MELK: variants seen among roughly 807,000 people sequenced by gnomAD.
MELK encodes pEg3 kinase.
In MELK, 81 loss-of-function variants were observed where a neutral mutation model predicts 85.0. That is an observed-to-expected ratio of 0.95 (90% CI 0.80 to 1.15). MELK has a LOEUF of 1.15. Among genes scored for constraint, MELK ranks in the 50% most tolerant of loss-of-function variants. The pLI, the probability that MELK is intolerant of heterozygous loss-of-function variation, is 0.00. For missense variants in MELK, 754 were observed against 777.5 expected (o/e 0.97, Z 0.36); for synonymous variants, 252 against 265.0 (o/e 0.95, Z 0.48).
At chr9:36,656,963 T>G (rs1831310813) in intron 12 of MELK, among the ~76,000 whole-genome samples, 1 of 152,206 alleles carries the variant, frequency 6.6e-6, no homozygotes, top group Non-Finnish European at 1.5e-5. Context: ...CTTATTGTTG[T>G]GTTAGAGCCA....
intron 8 of MELK, among the ~76,000 whole-genome samples, chr9:36,621,195 C>G (rs1326010585): frequency 7.2e-6 from 1 of 139,248 alleles, no homozygotes; most frequent in Non-Finnish European, 1.5e-5. Flanking sequence ...TTGCTTGAAC[C>G]TGGGAGGCGG....
At chr9:36,604,971 G>A (rs1564149509) in intron 7 of MELK, among the ~76,000 whole-genome samples, 2 of 148,476 alleles carry the variant, frequency 1.3e-5, no homozygotes, top group East Asian at 2.0e-4. Flanking sequence ...TTTTTGAGAC[G>A]AAGTCTTGCT....
intron 11 of MELK, among the ~76,000 whole-genome samples, chr9:36,644,635 T>C (rs1010433169): frequency 1.3e-5 from 2 of 152,184 alleles, no homozygotes; most frequent in African/African-American, 4.8e-5. Context: ...ATTTGAAGTT[T>C]CCATTTAAGC....
intron 15 of MELK, among the ~76,000 whole-genome samples, chr9:36,669,976 T>A (rs1406004625): frequency 1.3e-5 from 2 of 152,206 alleles, no homozygotes; most frequent in Non-Finnish European, 2.9e-5. Flanking sequence ...AATAAAATGA[T>A]TTATCAAAGC....
intron 8 of MELK, among the ~76,000 whole-genome samples, chr9:36,626,670 C>G (rs1299997121): frequency 1.3e-5 from 2 of 151,918 alleles, no homozygotes; most frequent in Non-Finnish European, 2.9e-5. Context: ...AAATAGCAGC[C>G]CAAGAGGCCG....
At position 36,584,068 on chromosome 9, in the gene MELK, C is replaced by G. The variant is rs185609462; in HGVS notation, c.144+356C>G. Among the ~76,000 whole-genome samples the G allele has an allele frequency of 1.7e-3, 255 of 151,998 alleles. 1 individual carries two copies. The highest frequency in any genetic ancestry group is 5.9e-3 in the African/African-American group (246 of 41,498). ...TCGCCCAGGCTGGAGTACAGTGGCG[C>G]GATCTCGGCTCACTGCAAGCTCCGC... On this transcript the variant is annotated intron_variant, in intron 3 of 17. Transcript: ENST00000298048.
At chr9:36,615,410 C>T (rs1335116607) in intron 8 of MELK, among the ~76,000 whole-genome samples, 7 of 141,448 alleles carry the variant, frequency 4.9e-5, no homozygotes, top group Non-Finnish European at 1.1e-4. Context: ...CCCCCACCTC[C>T]CTCCCGGACG....
In MELK at chr9:36,630,365, C is replaced by T. The variant is rs1340340647; in HGVS notation, c.733C>T (p.Gln245Ter). Reference protein sequence around the residue: ...SSILLLQQMLQVDPKKRISMK... With the variant: ...SSILLLQQML ...CATTCTGCTTCTTCAACAAATGCTG[C>T]AGGTAAACTTTATTTTTAAATAATA... is the stretch of plus-strand genomic sequence containing the variant. Residue 245 changes from glutamine (Q) to a stop codon, truncating the protein, a stop_gained and splice_region_variant, in exon 9 of 18, where the codon CAG (glutamine) becomes TAG (stop). Coordinates refer to ENST00000298048, the MANE Select transcript of MELK (RefSeq NM_014791.4). LOFTEE classifies it high-confidence loss of function. 1.9e-6 allele frequency: 3 copies of T among 1,601,780 alleles called. No individual in the cohort carries two copies. The highest frequency in any genetic ancestry group is 2.6e-6 in the Non-Finnish European group (3 of 1,170,876).
chr9:36,624,554 T>C (rs1827762714), intron 8 of MELK, among the ~76,000 whole-genome samples: 1 of 152,214 alleles, frequency 6.6e-6, no homozygotes, highest in Non-Finnish European at 1.5e-5. Flanking sequence ...CTGGATAGGA[T>C]TGCTTCCATG....
chr9:36,671,240 T>C (rs563202555), intron 16 of MELK, 74 bp downstream of exon 16: 858 of 1,371,186 alleles, frequency 6.3e-4, no homozygotes, highest in Non-Finnish European at 7.3e-4. Context: ...TTTAAGGTGC[T>C]GAATGAATTG....
chr9:36,655,353 A>G (rs944240965), intron 12 of MELK, among the ~76,000 whole-genome samples: 1 of 152,112 alleles, frequency 6.6e-6, no homozygotes, highest in African/African-American at 2.4e-5. Context: ...ATTCAGGGCA[A>G]GATAAATGGA....
At chr9:36,594,959 C>T (rs1215505050) in intron 5 of MELK, among the ~76,000 whole-genome samples, 188 bp downstream of exon 5, 1 of 144,938 alleles carries the variant, frequency 6.9e-6, no homozygotes, top group Non-Finnish European at 1.5e-5. Context: ...TGGTGTCTCA[C>T]TCTGTCACCC....
rs1832527505 is a variant in MELK, at chr9:36,667,804, G to C, written c.1409-1506G>C. ...TTTTTTGAGACAGAGTTTCACTCTT[G>C]TTGCCCAGGCTGGAGTGCAGTGGCA... On this transcript the variant is annotated intron_variant, in intron 14 of 17. Transcript: ENST00000298048. Among the ~76,000 whole-genome samples, 4 of 151,506 alleles carry C rather than the reference G, an allele frequency of 2.6e-5. No homozygotes were observed. In the South Asian group the frequency reaches 8.4e-4, roughly 32 times the overall value.
chr9:36,576,800 A>G (rs562971273), intron 1 of MELK, among the ~76,000 whole-genome samples: 1 of 152,272 alleles, frequency 6.6e-6, no homozygotes, highest in East Asian at 1.9e-4. Context: ...CCAAAGTGCT[A>G]GGATTACAGG....
chr9:36,629,612 T>A (rs1395206761), intron 8 of MELK, among the ~76,000 whole-genome samples: 1 of 152,250 alleles, frequency 6.6e-6, no homozygotes, highest in Non-Finnish European at 1.5e-5. Flanking sequence ...TGCTTCATTT[T>A]GTCAACTGAT....
chr9:36,580,488 T>A (rs1056720104), intron 1 of MELK, among the ~76,000 whole-genome samples: 2 of 148,942 alleles, frequency 1.3e-5, no homozygotes, highest in Non-Finnish European at 3.0e-5. Context: ...CCTGGCTAAT[T>A]TGTGTATTTT....
chr9:36,585,108 C>T (rs1822743156), intron 3 of MELK, among the ~76,000 whole-genome samples: 1 of 151,988 alleles, frequency 6.6e-6, no homozygotes, highest in Non-Finnish European at 1.5e-5. Context: ...GTGAATTCTT[C>T]CAGGGGGAAC....
chr9:36,612,780 A>T (rs1166759853), intron 8 of MELK, among the ~76,000 whole-genome samples: 3 of 152,142 alleles, frequency 2.0e-5, no homozygotes, highest in Non-Finnish European at 4.4e-5. Context: ...GATTTGTATT[A>T]GCCCCATAAA....
At chr9:36,598,471 A>G (rs1824543708) in intron 6 of MELK, among the ~76,000 whole-genome samples, 1 of 152,178 alleles carries the variant, frequency 6.6e-6, no homozygotes, top group African/African-American at 2.4e-5. Context: ...TGCCAGCTGT[A>G]AGAACTCTAT....
Sources: gnomAD v4.1 joint callset for allele counts (sites outside exome capture counted in the v4.1 genomes callset) on GRCh38, gnomAD v4.1.1 for gene constraint, MANE v1.5 for transcripts, NCBI Gene and HGNC (gene_info 2026-07-23, HGNC 2026-07-21) for gene names.